The following FAM81A variants were observed in gnomAD, a reference collection of about 807,000 sequenced individuals.
The protein encoded by FAM81A is family with sequence similarity 81 member A, also known as protein FAM81A.
Under a neutral mutation model 46.7 loss-of-function variants are expected in FAM81A, and 19 were observed. The observed-to-expected ratio is 0.41, with a 90% confidence interval of 0.28 to 0.60. The LOEUF (loss-of-function observed/expected upper bound fraction) is 0.60, where lower values mean the gene tolerates loss of function less well. FAM81A is among the 20% of genes least tolerant of loss of function. FAM81A has a pLI of 0.34. For missense variants in FAM81A, 377 were observed against 453.5 expected, an observed-to-expected ratio of 0.83 and a Z score of 1.53; for synonymous variants, 183 against 152.9, an observed-to-expected ratio of 1.20 and a Z score of -1.45.
intron 2 of FAM81A, among the ~76,000 whole-genome samples, chr15:59,406,154 A>G (rs2081094020): frequency 6.6e-6 from 1 of 152,192 alleles, no homozygotes; most frequent in African/African-American, 2.4e-5. Context: ...TGCCTTCCAG[A>G]TCATTCTCAT....
At chr15:59,502,149 T>C (rs2082098043) in intron 4 of FAM81A, among the ~76,000 whole-genome samples, 1 of 151,098 alleles carries the variant, frequency 6.6e-6, no homozygotes, top group South Asian at 2.1e-4. Flanking sequence ...TTTTTATTTT[T>C]TATTTTTTTC....
intron 3 of FAM81A, among the ~76,000 whole-genome samples, chr15:59,464,580 C>CT (rs1478556354): frequency 6.6e-6 from 1 of 151,988 alleles, no homozygotes; most frequent in Non-Finnish European, 1.5e-5. Context: ...GATATTGGGC[C>CT]TTTTTTCATA....
At chr15:59,401,364 C>A (rs1164661826) in intron 1 of FAM81A, 2 of 788,092 alleles carry the variant, frequency 2.5e-6, no homozygotes, top group Non-Finnish European at 4.7e-6. Context: ...TTGGTAATAA[C>A]ACCCAAAGTT....
intron 1 of FAM81A, chr15:59,401,336 AC>A (rs2081069153): frequency 5.0e-6 from 4 of 794,848 alleles, no homozygotes; most frequent in Non-Finnish European, 9.2e-6. Flanking sequence ...GCTCACATTT[AC>A]CTCCATGGCA....
chr15:59,456,297 G>A (rs762883955), intron 1 of FAM81A, among the ~76,000 whole-genome samples: 1 of 152,048 alleles, frequency 6.6e-6, no homozygotes, highest in Non-Finnish European at 1.5e-5. Context: ...CGGGGGCGGG[G>A]GTTCCCGGTG....
At chr15:59,465,548 C>A (rs754966529) in intron 3 of FAM81A, among the ~76,000 whole-genome samples, 1 of 152,178 alleles carries the variant, frequency 6.6e-6, no homozygotes, top group African/African-American at 2.4e-5. Context: ...GCTGGGATTA[C>A]GGGCATGAGC....
chr15:59,455,865 A>C (rs2081477428), intron 1 of FAM81A, among the ~76,000 whole-genome samples: 1 of 152,192 alleles, frequency 6.6e-6, no homozygotes, highest in Non-Finnish European at 1.5e-5. Flanking sequence ...AGTCTTGGTA[A>C]ATAATTATAC....
rs184083250 is a variant in FAM81A at position 59,423,230 on chromosome 15, T to C, written c.-78+20872T>C. 4.3e-4 allele frequency among the ~76,000 whole-genome samples: 66 copies of C among 152,204 alleles called. 1 individual carries two copies. In the East Asian group the frequency reaches 0.012, roughly 28 times the overall value. On this transcript the variant is annotated intron_variant, in intron 2 of 4. Coordinates refer to the FAM81A transcript ENST00000558348. ...CTCCTGCCTCAGCCTCCCTAGCAGC[T>C]TGGGACTACAGGCGCCCGCCAACAC...
chr15:59,493,341 G>T lies in FAM81A; in HGVS notation c.413+952G>T, dbSNP rs1174347652. Among the ~76,000 whole-genome samples, 10 of 152,292 alleles carry T rather than the reference G, an allele frequency of 6.6e-5. No homozygotes were observed. The East Asian group carries it at 1.7e-3, about 26-fold the overall frequency. On this transcript the variant is annotated intron_variant, in intron 4 of 8. Coordinates refer to ENST00000288228, the MANE Select transcript of FAM81A (RefSeq NM_152450.3). ...GTCTATAATAGCAGAGGGCTGCATG[G>T]ATTGGATGGGGAACAGGTTGATCAC...
At chr15:59,490,654 A>C (rs1292881636) in intron 3 of FAM81A, among the ~76,000 whole-genome samples, 1 of 152,170 alleles carries the variant, frequency 6.6e-6, no homozygotes, top group Non-Finnish European at 1.5e-5. Context: ...CAACACGGTG[A>C]AACTCCATCT....
At chr15:59,492,734 T>A (rs1343599134) in intron 4 of FAM81A, among the ~76,000 whole-genome samples, 5 of 152,230 alleles carry the variant, frequency 3.3e-5, no homozygotes, top group African/African-American at 1.2e-4. Flanking sequence ...TAATTTTTCC[T>A]GTTATTCATT....
At chr15:59,421,438 C>A (rs529502490) in intron 2 of FAM81A, among the ~76,000 whole-genome samples, 2 of 152,092 alleles carry the variant, frequency 1.3e-5, no homozygotes, top group Admixed American at 1.3e-4. Context: ...ATAGCAGGAG[C>A]GTATATACGA....
At position 59,482,674 on chromosome 15, in the gene FAM81A, G is replaced by T. The variant is rs566362625; in HGVS notation, c.295-9597G>T. On this transcript the variant is annotated intron_variant, in intron 3 of 8. Coordinates refer to ENST00000288228, the MANE Select transcript of FAM81A (RefSeq NM_152450.3). ...CATGCGTAACAAGCCATCTGGGTGA[G>T]ACTTATGTATCCCAAAGATATTTGA... is the stretch of plus-strand genomic sequence containing the variant. Among the ~76,000 whole-genome samples, 855 of 152,334 alleles carry T rather than the reference G, an allele frequency of 5.6e-3. 4 individuals carry two copies. The highest frequency in any genetic ancestry group is 0.01 in the Non-Finnish European group (704 of 68,034).
At chr15:59,469,985 G>C (rs1292101578) in intron 3 of FAM81A, among the ~76,000 whole-genome samples, 2 of 152,262 alleles carry the variant, frequency 1.3e-5, no homozygotes, top group South Asian at 2.1e-4. Context: ...AGCTGGATAT[G>C]AAATTCTGGG....
chr15:59,510,036 A>T lies in FAM81A; in HGVS notation c.650+1067A>T, dbSNP rs554044712. ...TCAAAAGAGAGAATGGCAGACAAGC[A>T]TACAGAATTGATGAAAGAGAAATCT... On this transcript the variant is annotated intron_variant, in intron 6 of 8. Coordinates refer to ENST00000288228, the MANE Select transcript of FAM81A (RefSeq NM_152450.3). Among the ~76,000 whole-genome samples, 260 of 152,324 alleles carry T rather than the reference A, an allele frequency of 1.7e-3. 3 individuals carry two copies. The Middle Eastern group carries it at 0.031, about 18-fold the overall frequency.
chr15:59,465,748 A>G (rs1363318621), intron 3 of FAM81A, among the ~76,000 whole-genome samples: 2 of 151,950 alleles, frequency 1.3e-5, no homozygotes, highest in African/African-American at 4.8e-5. Flanking sequence ...CACAACGTGC[A>G]GGTTTGATAC....
intron 1 of FAM81A, among the ~76,000 whole-genome samples, chr15:59,399,722 C>T (rs1382714981): frequency 6.6e-6 from 1 of 152,120 alleles, no homozygotes; most frequent in South Asian, 2.1e-4. Context: ...CTATGCGAGG[C>T]GCTGGCCAGT....
rs535586650 is a variant in FAM81A, at chr15:59,511,625, A to G, written c.650+2656A>G. Reference sequence around the variant, plus strand: ...AAATGTGAACCAGGAGCTATGTATCAGTATTTTTGTAACAGCATTATTATT... The same window carrying G: ...AAATGTGAACCAGGAGCTATGTATCGGTATTTTTGTAACAGCATTATTATT... On this transcript the variant is annotated intron_variant, in intron 6 of 8. Transcript: ENST00000288228. 8.5e-5 allele frequency among the ~76,000 whole-genome samples: 13 copies of G among 152,322 alleles called. No individual in the cohort carries two copies. In the East Asian group the frequency reaches 1.9e-3, roughly 23 times the overall value.
intron 1 of FAM81A, among the ~76,000 whole-genome samples, chr15:59,453,964 T>C (rs1291154146): frequency 1.3e-5 from 2 of 152,196 alleles, no homozygotes; most frequent in African/African-American, 4.8e-5. Context: ...CTCCTCTGAC[T>C]CCTGCCTGCC....
Sources: gnomAD v4.1 joint callset for allele counts (sites outside exome capture counted in the v4.1 genomes callset) on GRCh38, gnomAD v4.1.1 for gene constraint, MANE v1.5 for transcripts, NCBI Gene and HGNC (gene_info 2026-07-23, HGNC 2026-07-21) for gene names.